The following CCPG1 variants were observed in gnomAD, a reference collection of about 807,000 sequenced individuals.
The protein encoded by CCPG1 is cell cycle progression protein 1.
Under a neutral mutation model 81.3 loss-of-function variants are expected in CCPG1, and 46 were observed. The ratio of observed to expected loss-of-function variants is 0.57; its 90% CI spans 0.45 to 0.72. The LOEUF (loss-of-function observed/expected upper bound fraction) is 0.72. CCPG1 is among the 30% of genes least tolerant of loss of function. CCPG1 has a pLI of 0.00. For synonymous variants in CCPG1, 330 were observed against 305.2 expected, an observed-to-expected ratio of 1.08 and a Z score of -0.85; for missense variants, 902 against 937.6, an observed-to-expected ratio of 0.96 and a Z score of 0.50.
intron 3 of CCPG1, 22 bp from the exon 4 acceptor site, chr15:55,378,398 T>C (rs1323930925): frequency 1.3e-6 from 2 of 1,484,238 alleles, no homozygotes; most frequent in Non-Finnish European, 1.9e-6. Context: ...CAAAGATCAA[T>C]ATAATTATTT....
chr15:55,381,106 C>A (rs1219676390), intron 3 of CCPG1, among the ~76,000 whole-genome samples: 3 of 151,752 alleles, frequency 2.0e-5, no homozygotes, highest in African/African-American at 7.3e-5. Flanking sequence ...CACTGCACTC[C>A]AGCCTGGGCA....
At chr15:55,406,190 CAT>C (rs1034971604) in intron 1 of CCPG1, among the ~76,000 whole-genome samples, 1 of 148,324 alleles carries the variant, frequency 6.7e-6, no homozygotes, top group Non-Finnish European at 1.5e-5. Flanking sequence ...AAGTAATGTT[CAT>C]AGAGTCCATA....
chr15:55,392,607 A>C (rs1216404369), intron 1 of CCPG1, among the ~76,000 whole-genome samples: 1 of 149,386 alleles, frequency 6.7e-6, no homozygotes, highest in Non-Finnish European at 1.5e-5. Flanking sequence ...TGCAGCCTTG[A>C]CCTCCCAGGC....
chr15:55,404,017 G>A (rs774871481), intron 1 of CCPG1, among the ~76,000 whole-genome samples: 2 of 152,190 alleles, frequency 1.3e-5, no homozygotes, highest in Non-Finnish European at 2.9e-5. Context: ...ACTGTGGAAT[G>A]AGTTAGTAAA....
At chr15:55,394,627 T>A (rs533794978) in intron 1 of CCPG1, among the ~76,000 whole-genome samples, 1 of 152,222 alleles carries the variant, frequency 6.6e-6, no homozygotes, top group Admixed American at 6.5e-5. Context: ...TTTGTTTACT[T>A]CCTTCAAGGA....
At chr15:55,392,594 C>T (rs2056943307) in intron 1 of CCPG1, among the ~76,000 whole-genome samples, 1 of 151,978 alleles carries the variant, frequency 6.6e-6, no homozygotes, top group South Asian at 2.1e-4. Flanking sequence ...GAACACAGTT[C>T]ATTGCAGCCT....
chr15:55,395,956 C>G (rs2057008499), intron 1 of CCPG1, among the ~76,000 whole-genome samples: 1 of 152,048 alleles, frequency 6.6e-6, no homozygotes, highest in South Asian at 2.1e-4. Context: ...GAGTTAAAGA[C>G]CAACCTGGCC....
At position 55,389,428 on chromosome 15, in the gene CCPG1, T is replaced by C. The variant is rs767289277; in HGVS notation, c.-4A>G. On this transcript the variant is annotated 5_prime_UTR_variant, in exon 2 of 9. Coordinates refer to ENST00000442196, the MANE Select transcript of CCPG1 (RefSeq NM_001204450.2). ...TGTCACTGGAATTTTCAGACATCTT[T>C]CAGGTCTACAAATACAAAAACATAT... The C allele has an allele frequency of 5.6e-6, 9 of 1,608,288 alleles. No homozygotes were observed. Among genetic ancestry groups the C allele is most frequent in the Non-Finnish European group, 7.7e-6 (9 of 1,174,964 alleles).
At chr15:55,386,492 G>A (rs2056801479) in intron 2 of CCPG1, among the ~76,000 whole-genome samples, 1 of 152,192 alleles carries the variant, frequency 6.6e-6, no homozygotes, top group African/African-American at 2.4e-5. Flanking sequence ...CCACTAAGGT[G>A]ATTCCGTCTT....
chr15:55,385,786 T>G, intron 2 of CCPG1, 72 bp from the exon 3 acceptor site: 1 of 773,834 alleles, frequency 1.3e-6, no homozygotes, highest in Middle Eastern at 2.3e-4. Context: ...TACATGTAAA[T>G]GCTTCTTCCA....
intron 8 of CCPG1, chr15:55,359,081 G>GAC: frequency 1.0e-6 from 1 of 984,836 alleles, no homozygotes; most frequent in Non-Finnish European, 1.2e-6. Context: ...ACATGGAATG[G>GAC]ACAAGTGAAA....
chr15:55,380,098 C>CT (rs1429947148), intron 3 of CCPG1, among the ~76,000 whole-genome samples: 2 of 118,816 alleles, frequency 1.7e-5, no homozygotes, highest in African/African-American at 7.9e-5. Flanking sequence ...GAAACTCTGT[C>CT]TTAAAAAAAA....
At chr15:55,401,114 A>C (rs1228913029) in intron 1 of CCPG1, among the ~76,000 whole-genome samples, 2 of 152,148 alleles carry the variant, frequency 1.3e-5, no homozygotes, top group Non-Finnish European at 2.9e-5. Context: ...TAGCTGTTTA[A>C]TTCATGCATT....
In CCPG1 at chr15:55,371,875, T is replaced by C. The variant is rs145070689; in HGVS notation, c.624A>G (p.Lys208=). Reference sequence around the variant, plus strand: ...TATTGAGACCACTACTGAACTGACGTTTACTCAACTCCTTAGAAGGTTCAG... The same window carrying C: ...TATTGAGACCACTACTGAACTGACGCTTACTCAACTCCTTAGAAGGTTCAG... ...QETEPSKELS[K]RQFSSGLNKC... Residue 208 remains lysine, a synonymous_variant, in exon 6 of 9, where the codon AAA becomes AAG. Transcript: ENST00000442196. The C allele has an allele frequency of 0.014, 23,114 of 1,614,008 alleles. 215 individuals carry two copies. Among genetic ancestry groups the C allele is most frequent in the Middle Eastern group, 0.02 (119 of 6,062 alleles).
intron 1 of CCPG1, chr15:55,398,157 G>A (rs1357400009): frequency 6.6e-6 from 1 of 152,106 alleles, no homozygotes; most frequent in Non-Finnish European, 1.5e-5. Context: ...GTCAAAATCT[G>A]TAAGAACAAC....
chr15:55,389,068 C>CACAAAAAAAA (rs2056861219), intron 2 of CCPG1, among the ~76,000 whole-genome samples: 1 of 56,268 alleles, frequency 1.8e-5, no homozygotes, highest in Non-Finnish European at 3.3e-5. Flanking sequence ...GACTCTGTCT[C>CACAAAAAAAA]AAAAAAAAAA....
intron 1 of CCPG1, among the ~76,000 whole-genome samples, chr15:55,407,040 C>CG (rs757039695): frequency 7.5e-6 from 1 of 132,554 alleles, no homozygotes; most frequent in Non-Finnish European, 1.6e-5. Flanking sequence ...CGTTGAGACC[C>CG]CCCCCCCCGC....
intron 7 of CCPG1, among the ~76,000 whole-genome samples, chr15:55,363,644 G>C (rs1305131213): frequency 6.6e-6 from 1 of 150,500 alleles, no homozygotes; most frequent in Admixed American, 6.6e-5. Context: ...TTGGATGGGA[G>C]AAGTACCTCC....
chr15:55,407,148 A>C (rs1239792174), intron 1 of CCPG1, among the ~76,000 whole-genome samples: 1 of 151,700 alleles, frequency 6.6e-6, no homozygotes, highest in Non-Finnish European at 1.5e-5. Flanking sequence ...GAATCGTTTG[A>C]AACTGGAAGG....
Sources: allele counts gnomAD v4.1 joint callset (sites outside exome capture counted in the v4.1 genomes callset), GRCh38; gene constraint gnomAD v4.1.1; transcripts MANE v1.5; gene names NCBI Gene and HGNC (gene_info 2026-07-23, HGNC 2026-07-21).